The following PKD1 variants were observed in gnomAD, a reference collection of about 807,000 sequenced individuals.
PKD1 encodes the protein polycystin 1, transient receptor potential channel interacting.
In PKD1, 81 loss-of-function variants were observed where a neutral mutation model predicts 361.7. The ratio of observed to expected loss-of-function variants is 0.22; its 90% CI spans 0.19 to 0.27. The LOEUF (loss-of-function observed/expected upper bound fraction) is 0.27. Among genes scored for constraint, PKD1 ranks in the 10% least tolerant of loss-of-function variants. The probability of loss-of-function intolerance (pLI) is 1.00; values close to 1 mark genes in which losing one functional copy is unlikely to be tolerated. For missense variants in PKD1, 6,399 were observed against 6,118.3 expected (o/e 1.05, Z -1.53); for synonymous variants, 3,615 against 2,818.3 (o/e 1.28, Z -8.95).
chr16:2,090,136 C>A lies in PKD1; in HGVS notation c.12503G>T (p.Gly4168Val). 1.3e-6 allele frequency: 2 copies of A among 1,595,528 alleles called. No homozygotes were observed. The highest frequency in any genetic ancestry group is 2.2e-5 in the South Asian group (2 of 89,696). ...MEPLPSRSSR[G>V]SKVSPDVPPP... is the part of the protein sequence containing the mutation. ...GGGCACATCCGGGGATACCTTGGAG[C>A]CCCTGGAGGAGCGAGAGGGCAGCGG... Residue 4168 changes from glycine to valine, a missense_variant, in exon 46 of 46, where the codon GGC becomes GTC. Transcript: ENST00000262304.
chr16:2,091,790 A>C lies in PKD1; in HGVS notation c.11528T>G (p.Leu3843Arg). 1 of 1,610,890 alleles carries C rather than the reference A, an allele frequency of 6.2e-7. No individual in the cohort carries two copies. Among genetic ancestry groups the C allele is most frequent in the Non-Finnish European group, 8.5e-7 (1 of 1,179,470 alleles). The change falls in exon 41 of 46, where the codon CTG becomes CGG. Residue 3843 changes from leucine (L) to arginine (R), a missense_variant. Leu to Arg is a moderately radical substitution (Grantham distance 102). Coordinates refer to ENST00000262304, the MANE Select transcript of PKD1 (RefSeq NM_001009944.3). ...RLRFLQLHNW[L>R]DNRSRAVFLE... ...GGGAGGGAGCTCCCACCTGTTGTCCAGCCAGTTGTGCAGCTGCAGGAAGCG... is the reference window on the plus strand; with the variant it reads ...GGGAGGGAGCTCCCACCTGTTGTCCCGCCAGTTGTGCAGCTGCAGGAAGCG...
chr16:2,124,263 T>C (rs985635667), intron 1 of PKD1, among the ~76,000 whole-genome samples: 9 of 152,218 alleles, frequency 5.9e-5, no homozygotes, highest in African/African-American at 1.9e-4. Flanking sequence ...ACGTGTCTCA[T>C]GCTGCAGCGG....
Position 2,091,796 on chromosome 16 carries a change from T to C in PKD1, c.11522A>G (p.Asn3841Ser), listed in dbSNP as rs146650596. The change falls in exon 41 of 46, where the codon AAC (asparagine) becomes AGC (serine). Residue 3841 changes from asparagine to serine, a missense_variant. By Grantham distance (46) the Asn-to-Ser change is conservative (BLOSUM62 1). Transcript: ENST00000262304. The stretch of plus-strand genomic sequence containing the variant: ...GAGCTCCCACCTGTTGTCCAGCCAG[T>C]TGTGCAGCTGCAGGAAGCGCAGCCG... ...RDRLRFLQLH[N>S]WLDNRSRAVF... 8 of 1,610,850 alleles carry C rather than the reference T, an allele frequency of 5.0e-6. No homozygotes were observed. Among genetic ancestry groups the C allele is most frequent in the African/African-American group, 2.7e-5 (2 of 74,818 alleles).
At chr16:2,130,491 G>T (rs538903740) in intron 1 of PKD1, among the ~76,000 whole-genome samples, 1 of 152,216 alleles carries the variant, frequency 6.6e-6, no homozygotes, top group South Asian at 2.1e-4. Flanking sequence ...TTGGTTGAAC[G>T]CGGGCTCCAG....
chr16:2,101,844 T>C (rs1320430408), intron 26 of PKD1: 2 of 617,100 alleles, frequency 3.2e-6, no homozygotes, highest in Non-Finnish European at 2.9e-6. Flanking sequence ...CTGCCCACCC[T>C]GACTGACTGG....
rs201900131 is a variant in PKD1, at chr16:2,110,313, G to A, written c.4854C>T (p.Gly1618=). Residue 1618 remains glycine (G), a synonymous_variant, in exon 15 of 46, where the codon GGC becomes GGT. Transcript: ENST00000262304. The part of the protein sequence containing the change: ...NIIVTAENEV[G]SAQDSIFVYV... ...AGACGAAGATGCTGTCCTGGGCGGA[G>A]CCCACCTCGTTCTCAGCCGTGACGA... 8.1e-6 allele frequency: 13 copies of A among 1,612,652 alleles called. No homozygotes were observed. Among genetic ancestry groups the A allele is most frequent in the African/African-American group, 5.3e-5 (4 of 75,056 alleles).
At chr16:2,125,637 G>A (rs1596611881) in intron 1 of PKD1, among the ~76,000 whole-genome samples, 1 of 151,414 alleles carries the variant, frequency 6.6e-6, no homozygotes, top group East Asian at 1.9e-4. Flanking sequence ...AACACAGCCA[G>A]CTCAAAAAGG....
chr16:2,099,346 G>C (rs574293498), intron 30 of PKD1: 1 of 427,988 alleles, frequency 2.3e-6, no homozygotes, highest in Admixed American at 3.5e-5. Flanking sequence ...AGTGCATTTC[G>C]GAAGCGTGCA....
At chr16:2,093,136 A>T (rs778723140) in intron 37 of PKD1, 43 bp from the exon 38 acceptor site, 9 of 1,609,128 alleles carry the variant, frequency 5.6e-6, no homozygotes, top group African/African-American at 2.7e-5. Flanking sequence ...GCCCCAGCCC[A>T]CAGTGACAGC....
At position 2,091,775 on chromosome 16, in the gene PKD1, TC is replaced by T; in HGVS notation, c.11537+5del. On this transcript the variant is annotated splice_donor_5th_base_variant and intron_variant, in intron 41 of 45. Transcript: ENST00000262304. The stretch of plus-strand genomic sequence containing the variant: ...CCCCGGAGAGGGCAGGGGAGGGAGC[TC>T]CCACCTGTTGTCCAGCCAGTTGTGC... The T allele has an allele frequency of 1.9e-6, 3 of 1,609,878 alleles. No homozygotes were observed. Among genetic ancestry groups the T allele is most frequent in the Non-Finnish European group, 2.5e-6 (3 of 1,179,322 alleles).
At chr16:2,127,841 C>T (rs2092818494) in intron 1 of PKD1, among the ~76,000 whole-genome samples, 1 of 149,402 alleles carries the variant, frequency 6.7e-6, no homozygotes, top group Non-Finnish European at 1.5e-5. Flanking sequence ...CATCTGGGTT[C>T]CCAGCCTCCT....
rs371090401 is a variant in PKD1 at position 2,115,650 on chromosome 16, G to A, written c.1850-25C>T. 22 of 1,592,084 alleles carry A rather than the reference G, an allele frequency of 1.4e-5. No homozygotes were observed. The African/African-American group carries it at 2.8e-4, about 20-fold the overall frequency. ...CCTGTGAGGAGGGGAGGGTGTTGGG[G>A]CCCTGATTTGCCCACAGGCCACCGT... On this transcript the variant is annotated intron_variant, in intron 9 of 45. Coordinates refer to ENST00000262304, the MANE Select transcript of PKD1 (RefSeq NM_001009944.3).
rs764644134 is a variant in PKD1 at position 2,110,596 on chromosome 16, G to C, written c.4571C>G (p.Thr1524Ser). The C allele has an allele frequency of 1.9e-6, 3 of 1,610,840 alleles. No individual in the cohort carries two copies. The highest frequency in any genetic ancestry group is 2.5e-6 in the Non-Finnish European group (3 of 1,179,744). The change falls in exon 15 of 46, where the codon ACC (threonine) becomes AGC (serine). Residue 1524 changes from threonine to serine, a missense_variant. By Grantham distance (58) the Thr-to-Ser change is moderately conservative. Coordinates refer to ENST00000262304, the MANE Select transcript of PKD1 (RefSeq NM_001009944.3). ...THAYNSTGDF[T>S]VRVAGWNEVS... ...CTCATTCCAGCCGGCCACCCTAACGGTGAAGTCACCTGTGCTGTTGTAAGC... is the reference window on the plus strand; with the variant it reads ...CTCATTCCAGCCGGCCACCCTAACGCTGAAGTCACCTGTGCTGTTGTAAGC...
chr16:2,097,786 A>C lies in PKD1; in HGVS notation c.10168-6T>G. 1 of 1,611,476 alleles carries C rather than the reference A, an allele frequency of 6.2e-7. No individual in the cohort carries two copies. On this transcript the variant is annotated splice_region_variant and splice_polypyrimidine_tract_variant and intron_variant, in intron 31 of 45. Coordinates refer to ENST00000262304, the MANE Select transcript of PKD1 (RefSeq NM_001009944.3). ...ATCTGTCCAACAAAGGCCTGCTGAG[A>C]GGTGCACAGTGTCTTGAGTCCAAGC...
In PKD1 at chr16:2,090,212, G is replaced by A. The variant is rs752457130; in HGVS notation, c.12445-18C>T. 31 of 1,608,102 alleles carry A rather than the reference G, an allele frequency of 1.9e-5. No individual in the cohort carries two copies. Among genetic ancestry groups the A allele is most frequent in the Non-Finnish European group, 2.5e-5 (29 of 1,177,548 alleles). ...TGGCGGAACTGGGGGCGGCACAGGG[G>A]CTCAGTCAGTCCGGCTGCACCCTGG... On this transcript the variant is annotated intron_variant, in intron 45 of 45. Coordinates refer to ENST00000262304, the MANE Select transcript of PKD1 (RefSeq NM_001009944.3).
At chr16:2,098,194 A>T (rs1001527433) in intron 30 of PKD1, 3 of 598,858 alleles carry the variant, frequency 5.0e-6, no homozygotes, top group Non-Finnish European at 9.0e-6. Context: ...TGGTGCAGCT[A>T]AGGAACAGAG....
intron 42 of PKD1, 105 bp downstream of exon 42, chr16:2,091,318 G>A (rs1439656844): frequency 1.3e-5 from 4 of 313,554 alleles, no homozygotes; most frequent in South Asian, 1.2e-4. Context: ...GACGCTGCGA[G>A]GGGGCGGGGC....
At chr16:2,130,901 C>A (rs1441788263) in intron 1 of PKD1, among the ~76,000 whole-genome samples, 1 of 152,182 alleles carries the variant, frequency 6.6e-6, no homozygotes. Context: ...CCAGCATTTG[C>A]GAGACAGCAG....
Position 2,110,546 on chromosome 16 carries a change from T to G in PKD1, c.4621A>C (p.Asn1541His), listed in dbSNP as rs757606513. 17 of 1,611,626 alleles carry G rather than the reference T, an allele frequency of 1.1e-5. No individual in the cohort carries two copies. Among genetic ancestry groups the G allele is most frequent in the Admixed American group, 3.3e-5 (2 of 60,004 alleles). The change falls in exon 15 of 46, where the codon AAT (asparagine) becomes CAT (histidine). Residue 1541 changes from asparagine (N) to histidine (H), a missense_variant. Coordinates refer to ENST00000262304, the MANE Select transcript of PKD1 (RefSeq NM_001009944.3). The stretch of plus-strand genomic sequence containing the variant: ...CGCACGCGCCGCTTCACCGTCACAT[T>G]GAGCCAGGCCTCGCTGCGGCTCACC... Reference protein sequence around the residue: ...NEVSRSEAWLNVTVKRRVRGL... With the variant: ...NEVSRSEAWLHVTVKRRVRGL...
Sources: allele counts gnomAD v4.1 joint callset (sites outside exome capture counted in the v4.1 genomes callset), GRCh38; gene constraint gnomAD v4.1.1; transcripts MANE v1.5; gene names NCBI Gene and HGNC (gene_info 2026-07-23, HGNC 2026-07-21).